Variants in IL1RAPL1 observed in about 807,000 individuals in gnomAD.
IL1RAPL1 encodes the protein interleukin 1 receptor accessory protein like 1.
A neutral mutation model predicts 48.4 loss-of-function variants in IL1RAPL1; 3 were observed. The observed-to-expected ratio is 0.06, with a 90% CI of 0.03 to 0.16. The LOEUF (loss-of-function observed/expected upper bound fraction) is 0.16. IL1RAPL1 is among the 10% of genes least tolerant of loss of function. The probability of loss-of-function intolerance (pLI) is 1.00; values close to 1 mark genes in which losing one functional copy is unlikely to be tolerated. For missense variants in IL1RAPL1, 349 were observed against 530.6 expected (o/e 0.66, Z 3.36); for synonymous variants, 185 against 187.7 (o/e 0.99, Z 0.12).
At chrX:28,768,824 GTATATA>G (rs200366562) in intron 1 of IL1RAPL1, among the ~76,000 whole-genome samples, 29,040 of 70,823 alleles carry the variant, frequency 0.41, 5,102 homozygotes, top group East Asian at 0.73. Flanking sequence ...ATGTGTGTGT[GTATATA>G]TATATATATA....
chrX:28,974,370 T>C (rs187869651), intron 2 of IL1RAPL1, among the ~76,000 whole-genome samples: 10 of 112,264 alleles, frequency 8.9e-5, no homozygotes, highest in Admixed American at 6.6e-4. Context: ...GAGTTTTCAA[T>C]AAATATTTGC....
At chrX:28,674,288 C>T (rs1391105463) in intron 1 of IL1RAPL1, among the ~76,000 whole-genome samples, 1 of 110,091 alleles carries the variant, frequency 9.1e-6, no homozygotes, top group Non-Finnish European at 1.9e-5. Flanking sequence ...AAAATGCTCC[C>T]TTTTGACCAA....
intron 2 of IL1RAPL1, among the ~76,000 whole-genome samples, chrX:28,810,489 C>G (rs1392481913): frequency 9.0e-6 from 1 of 110,559 alleles, no homozygotes; most frequent in African/African-American, 3.3e-5. Flanking sequence ...ACAGGTATAA[C>G]TATCAATAAT....
At chrX:28,614,601 AAAGTTAAAATACTGGTGATGATGGG>A (rs1206660826) in intron 1 of IL1RAPL1, among the ~76,000 whole-genome samples, 1 of 110,380 alleles carries the variant, frequency 9.1e-6, no homozygotes, top group Admixed American at 9.7e-5. Context: ...ATAGGAGATG[AAAGTTAAAATACTGGTGATGATGGG>A]CCACATATGA....
At chrX:28,621,964 G>A (rs1934289406) in intron 1 of IL1RAPL1, among the ~76,000 whole-genome samples, 4 of 110,971 alleles carry the variant, frequency 3.6e-5, no homozygotes, top group South Asian at 7.6e-4. Context: ...GAAGAGGCAG[G>A]TGGCAGATCC....
chrX:29,183,913 C>T (rs1048900197), intron 2 of IL1RAPL1, among the ~76,000 whole-genome samples: 1 of 111,779 alleles, frequency 8.9e-6, no homozygotes, highest in Non-Finnish European at 1.9e-5. Context: ...AGGCCGGTCT[C>T]GAACTCCTGA....
intron 2 of IL1RAPL1, among the ~76,000 whole-genome samples, chrX:28,911,541 G>A (rs1200771442): frequency 9.0e-6 from 1 of 110,788 alleles, no homozygotes; most frequent in African/African-American, 3.3e-5. Context: ...TCCTCAGGAA[G>A]GCATTCTCAG....
At chrX:28,870,136 T>C (rs1922174146) in intron 2 of IL1RAPL1, among the ~76,000 whole-genome samples, 1 of 111,641 alleles carries the variant, frequency 9.0e-6, no homozygotes, top group Non-Finnish European at 1.9e-5. Flanking sequence ...CATCAGTTGA[T>C]GTTCATTTCT....
rs149553289 is a variant in IL1RAPL1, at chrX:28,859,188, G to A, written c.82+69763G>A. On this transcript the variant is annotated intron_variant, in intron 2 of 10. Transcript: ENST00000378993. ...AGTACACAGAAATCTATTTTTAAACGTACAGTAAAAGTTAAACATACATGC... is the reference window on the plus strand; with the variant it reads ...AGTACACAGAAATCTATTTTTAAACATACAGTAAAAGTTAAACATACATGC... Among the ~76,000 whole-genome samples the A allele has an allele frequency of 3.3e-3, 370 of 111,845 alleles. 2 individuals carry two copies. Among genetic ancestry groups the A allele is most frequent in the African/African-American group, 0.011 (350 of 30,831 alleles).
chrX:29,712,378 C>T (rs1410623727), intron 6 of IL1RAPL1, among the ~76,000 whole-genome samples: 1 of 111,369 alleles, frequency 9.0e-6, no homozygotes, highest in African/African-American at 3.2e-5. Flanking sequence ...TGATGCTATA[C>T]AAGCTGGCGT....
At chrX:29,799,971 C>T (rs1490042489) in intron 6 of IL1RAPL1, among the ~76,000 whole-genome samples, 1 of 111,829 alleles carries the variant, frequency 8.9e-6, no homozygotes, top group Non-Finnish European at 1.9e-5. Flanking sequence ...TTGTACATCT[C>T]AGTTTCATAG....
intron 5 of IL1RAPL1, among the ~76,000 whole-genome samples, chrX:29,482,717 C>T (rs1239033264): frequency 1.8e-5 from 2 of 111,910 alleles, no homozygotes; most frequent in African/African-American, 6.5e-5. Flanking sequence ...GTTTATAATA[C>T]ATTTCAACTT....
intron 5 of IL1RAPL1, among the ~76,000 whole-genome samples, chrX:29,608,694 C>T (rs766961552): frequency 6.0e-5 from 6 of 99,260 alleles, no homozygotes; most frequent in East Asian, 3.3e-4. Context: ...GGCGTGGTGG[C>T]GGGCGCCTGT....
rs181217253 is a variant in IL1RAPL1 at position 29,337,574 on chromosome X, A to G, written c.362+54357A>G. On this transcript the variant is annotated intron_variant, in intron 3 of 10. Transcript: ENST00000378993. ...CAGTTAACTTCAATGTCCCCATCTG[A>G]AAAATAGGAGTTGTGATAATGATAT... Among the ~76,000 whole-genome samples, 7 of 111,971 alleles carry G rather than the reference A, an allele frequency of 6.3e-5. No individual in the cohort carries two copies. In the East Asian group the frequency reaches 1.4e-3, roughly 22 times the overall value.
At chrX:29,204,628 A>G (rs766337553) in intron 2 of IL1RAPL1, among the ~76,000 whole-genome samples, 2 of 112,184 alleles carry the variant, frequency 1.8e-5, no homozygotes, top group East Asian at 2.8e-4. Flanking sequence ...TTAATACTCA[A>G]CTATAATGAT....
chrX:29,916,330 C>G (rs1445825593), intron 6 of IL1RAPL1, among the ~76,000 whole-genome samples: 7 of 111,790 alleles, frequency 6.3e-5, no homozygotes, highest in Non-Finnish European at 1.3e-4. Context: ...GCCACACTGA[C>G]TTCCACAAAG....
At chrX:29,694,589 C>T (rs1023899919) in intron 6 of IL1RAPL1, among the ~76,000 whole-genome samples, 4 of 111,590 alleles carry the variant, frequency 3.6e-5, no homozygotes, top group Non-Finnish European at 7.5e-5. Flanking sequence ...CTAGGAAGTC[C>T]AAGATCAAGG....
chrX:29,527,691 T>C (rs958291338), intron 5 of IL1RAPL1, among the ~76,000 whole-genome samples: 1 of 111,281 alleles, frequency 9.0e-6, no homozygotes, highest in Non-Finnish European at 1.9e-5. Flanking sequence ...TACATTTTAC[T>C]ATATTAAAAA....
At chrX:29,254,163 C>T (rs1569270748) in intron 2 of IL1RAPL1, among the ~76,000 whole-genome samples, 1 of 110,931 alleles carries the variant, frequency 9.0e-6, no homozygotes, top group East Asian at 2.8e-4. Context: ...AATTCAACAA[C>T]TGAAAAAGCA....
Sources: gnomAD v4.1 joint callset for allele counts (sites outside exome capture counted in the v4.1 genomes callset) on GRCh38, gnomAD v4.1.1 for gene constraint, MANE v1.5 for transcripts, NCBI Gene and HGNC (gene_info 2026-07-23, HGNC 2026-07-21) for gene names.